Variants in TK2 observed in about 807,000 individuals in gnomAD.
The protein encoded by TK2 is thymidine kinase 2.
TK2 carries 35 observed loss-of-function variants against 41.9 expected under a neutral mutation model. That is an observed-to-expected ratio of 0.84 (90% CI 0.64 to 1.11). TK2 has a LOEUF of 1.11. Ranked by LOEUF, TK2 falls within the 50% of genes least tolerant of loss-of-function variation. The probability of loss-of-function intolerance (pLI) is 0.00; values close to 1 mark genes in which losing one functional copy is unlikely to be tolerated. For missense variants in TK2, 320 were observed against 351.1 expected (o/e 0.91, Z 0.71); for synonymous variants, 128 against 129.1 (o/e 0.99, Z 0.06).
Position 66,517,857 on chromosome 16 carries a change from T to TCCCA in TK2, c.469_470insTGGG (p.Asp157ValfsTer11). The TCCCA allele has an allele frequency of 1.2e-6, 2 of 1,614,158 alleles. No homozygotes were observed. Among genetic ancestry groups the TCCCA allele is most frequent in the South Asian group, 2.2e-5 (2 of 91,090 alleles). On this transcript the variant is annotated frameshift_variant, in exon 7 of 10. Transcript: ENST00000544898. LOFTEE classifies it high-confidence loss of function. The surrounding 1 kb of genome is among the most constrained non-coding windows in gnomAD (Gnocchi z 4.3). ...AAACCATTCCGACAGAACTACATAG[T>TCCCA]CCACTTCTGGCATCTTCCCACTGCA... is the stretch of plus-strand genomic sequence containing the variant.
At chr16:66,546,918 A>AT (rs1204971170) in intron 2 of TK2, among the ~76,000 whole-genome samples, 22 of 151,618 alleles carry the variant, frequency 1.5e-4, no homozygotes, top group Admixed American at 4.6e-4. Context: ...TGCCCAGCTA[A>AT]TTTTTTGTAT....
intron 6 of TK2, among the ~76,000 whole-genome samples, chr16:66,518,398 C>T (rs1027133023): frequency 2.0e-5 from 3 of 151,994 alleles, no homozygotes; most frequent in Admixed American, 2.0e-4. Flanking sequence ...GGGGTGGTGG[C>T]GCATGCCTAT....
At chr16:66,523,023 G>T (rs1004684772) in intron 6 of TK2, among the ~76,000 whole-genome samples, 1 of 152,152 alleles carries the variant, frequency 6.6e-6, no homozygotes, top group Non-Finnish European at 1.5e-5. Flanking sequence ...AGAAGAGGTG[G>T]GTCTTTTCCC....
rs1050962535 is a variant in TK2 at position 66,508,728 on chromosome 16, T to C, written c.*3240A>G. 1 of 152,254 alleles carries C rather than the reference T, an allele frequency of 6.6e-6. No homozygotes were observed. The highest frequency in any genetic ancestry group is 1.5e-5 in the Non-Finnish European group (1 of 68,056). 9.4% of individuals were successfully genotyped at this position (152,254 alleles called of 1,614,324 possible). ...TGCAGGAAGATTGTTCTGACTGATA[T>C]ATTCCCCAGGCGGGGGGACACTTCT... On this transcript the variant is annotated 3_prime_UTR_variant, in exon 10 of 10. Coordinates refer to ENST00000544898, the MANE Select transcript of TK2 (RefSeq NM_004614.5).
chr16:66,549,469 C>T (rs972979333), intron 1 of TK2: 13 of 1,042,726 alleles, frequency 1.2e-5, no homozygotes, highest in Non-Finnish European at 1.5e-5. Flanking sequence ...AGCCATATGG[C>T]GGACACCAGA....
intron 6 of TK2, among the ~76,000 whole-genome samples, chr16:66,519,003 C>G (rs1219440053): frequency 6.6e-6 from 1 of 151,830 alleles, no homozygotes; most frequent in Admixed American, 6.6e-5. Context: ...GCTCTGTCGC[C>G]CAGGCTGGAG....
intron 6 of TK2, among the ~76,000 whole-genome samples, chr16:66,521,296 T>G (rs528269950): frequency 5.3e-5 from 8 of 152,144 alleles, no homozygotes; most frequent in Non-Finnish European, 1.0e-4. Context: ...ACTGACAGAC[T>G]CCGGTGGCTC....
Position 66,549,883 on chromosome 16 carries a change from G to A in TK2, c.124+55C>T, listed in dbSNP as rs1395496990. 1.0e-4 allele frequency: 131 copies of A among 1,300,700 alleles called. 3 individuals carry two copies. In the South Asian group the frequency reaches 3.1e-3, roughly 31 times the overall value. The allele number at this position is 1,300,700 out of a possible 1,614,324, so 80.6% of individuals were successfully genotyped here. ...GGCGGGTTCCGGAAGCCGAGGGGCCGGGAGTAGGTGGGCGCATAGGGGCTC... is the reference window on the plus strand; with the variant it reads ...GGCGGGTTCCGGAAGCCGAGGGGCCAGGAGTAGGTGGGCGCATAGGGGCTC... On this transcript the variant is annotated intron_variant, in intron 1 of 9. Transcript: ENST00000544898.
intron 4 of TK2, among the ~76,000 whole-genome samples, chr16:66,533,999 C>G (rs1246387344): frequency 1.1e-5 from 1 of 92,394 alleles, no homozygotes; most frequent in Non-Finnish European, 2.0e-5. Context: ...CAGAGTGAGA[C>G]TCTGTCTCAA....
chr16:66,533,632 G>A (rs547935578), intron 4 of TK2, among the ~76,000 whole-genome samples: 15 of 152,066 alleles, frequency 9.9e-5, no homozygotes, highest in Admixed American at 2.0e-4. Context: ...ATAATACTTT[G>A]GTTTGAATGA....
intron 2 of TK2, chr16:66,548,728 A>G (rs562402276): frequency 2.0e-6 from 1 of 499,080 alleles, no homozygotes; most frequent in South Asian, 2.4e-5. Context: ...TTAAGCTTTA[A>G]CAGCCCAAAT....
At chr16:66,549,535 G>A in intron 1 of TK2, 1 of 1,046,690 alleles carries the variant, frequency 9.6e-7, no homozygotes. Flanking sequence ...AGGGAGGGCA[G>A]GAGAGCGCCG....
At chr16:66,533,520 A>T (rs1299013692) in intron 4 of TK2, among the ~76,000 whole-genome samples, 1 of 152,046 alleles carries the variant, frequency 6.6e-6, no homozygotes, top group East Asian at 1.9e-4. Flanking sequence ...ACTGCACTCC[A>T]GCTTGGGTGA....
At chr16:66,538,106 T>C (rs1965343257) in intron 3 of TK2, among the ~76,000 whole-genome samples, 1 of 152,124 alleles carries the variant, frequency 6.6e-6, no homozygotes, top group South Asian at 2.1e-4. Flanking sequence ...AAGGTTGCAG[T>C]GAGCCAAGAT....
chr16:66,537,883 C>A (rs1017866189), intron 3 of TK2, among the ~76,000 whole-genome samples: 2 of 152,198 alleles, frequency 1.3e-5, no homozygotes, highest in African/African-American at 4.8e-5. Context: ...GCCACCCTGG[C>A]TGGGTGCAGT....
chr16:66,533,146 C>A (rs555977667), intron 4 of TK2, among the ~76,000 whole-genome samples: 1 of 151,002 alleles, frequency 6.6e-6, no homozygotes, highest in East Asian at 1.9e-4. Flanking sequence ...CTCAGCTCAC[C>A]GCAACCTCTA....
chr16:66,549,895 G>T lies in TK2; in HGVS notation c.124+43C>A, dbSNP rs369430418. On this transcript the variant is annotated intron_variant, in intron 1 of 9. Transcript: ENST00000544898. ...AAGCCGAGGGGCCGGGAGTAGGTGG[G>T]CGCATAGGGGCTCCTGGGAGGCGGG... is the stretch of plus-strand genomic sequence containing the variant. The T allele has an allele frequency of 2.0e-4, 260 of 1,331,100 alleles. No individual in the cohort carries two copies. In the African/African-American group the frequency reaches 3.7e-3, roughly 19 times the overall value. The allele number at this position is 1,331,100 out of a possible 1,614,324, so 82.5% of individuals were successfully genotyped here.
chr16:66,526,961 T>C (rs1319574962), intron 6 of TK2, among the ~76,000 whole-genome samples: 2 of 152,188 alleles, frequency 1.3e-5, no homozygotes, highest in African/African-American at 4.8e-5. Context: ...TCTCGGCTCA[T>C]TGCAACCTCC....
At chr16:66,513,649 C>T in intron 9 of TK2, 82 bp downstream of exon 9, 1 of 1,292,446 alleles carries the variant, frequency 7.7e-7, no homozygotes, top group South Asian at 1.2e-5. Context: ...TGTGCCCTCC[C>T]CTGTCTGCAA....
Sources: gnomAD v4.1 joint callset for allele counts (sites outside exome capture counted in the v4.1 genomes callset) on GRCh38, gnomAD v4.1.1 for gene constraint, Gnocchi (gnomAD v3.1) non-coding constraint, MANE v1.5 for transcripts, NCBI Gene and HGNC (gene_info 2026-07-23, HGNC 2026-07-21) for gene names.